The following IL1RAPL2 variants were observed in gnomAD, a reference collection of about 807,000 sequenced individuals.
IL1RAPL2 encodes the protein interleukin 1 receptor accessory protein like 2.
IL1RAPL2 carries 3 observed loss-of-function variants against 44.1 expected under a neutral mutation model. The observed-to-expected ratio is 0.07, with a 90% confidence interval of 0.03 to 0.18. The LOEUF (loss-of-function observed/expected upper bound fraction) is 0.18. Ranked by LOEUF, IL1RAPL2 falls within the 10% of genes least tolerant of loss-of-function variation. IL1RAPL2 has a pLI of 1.00. For missense variants in IL1RAPL2, 391 were observed against 496.4 expected, an observed-to-expected ratio of 0.79 and a Z score of 2.02; for synonymous variants, 181 against 178.8, an observed-to-expected ratio of 1.01 and a Z score of -0.10.
intron 6 of IL1RAPL2, among the ~76,000 whole-genome samples, chrX:105,625,026 A>G (rs954792198): frequency 3.6e-5 from 4 of 112,198 alleles, no homozygotes; most frequent in African/African-American, 1.3e-4. Flanking sequence ...GTGATCCTTC[A>G]CATCCAAATT....
At chrX:105,751,808 C>A (rs370736302) in intron 9 of IL1RAPL2, among the ~76,000 whole-genome samples, 3 of 111,680 alleles carry the variant, frequency 2.7e-5, no homozygotes, top group African/African-American at 9.7e-5. Flanking sequence ...ATTTTAACTG[C>A]CTTTTGGAAA....
intron 6 of IL1RAPL2, among the ~76,000 whole-genome samples, chrX:105,658,600 G>A (rs1214347068): frequency 9.1e-6 from 1 of 109,727 alleles, no homozygotes; most frequent in African/African-American, 3.3e-5. Flanking sequence ...CAAAGCAGGT[G>A]GATCACTTGA....
At chrX:105,342,961 T>C (rs926438409) in intron 5 of IL1RAPL2, among the ~76,000 whole-genome samples, 5 of 111,428 alleles carry the variant, frequency 4.5e-5, no homozygotes, top group Non-Finnish European at 9.4e-5. Context: ...ATATATCATG[T>C]TTTATCTTAA....
intron 2 of IL1RAPL2, among the ~76,000 whole-genome samples, chrX:104,801,835 TA>T (rs1200734584): frequency 9.0e-6 from 1 of 111,685 alleles, no homozygotes; most frequent in Non-Finnish European, 1.9e-5. Flanking sequence ...TATAGGGCAT[TA>T]AAAAATGTAT....
intron 5 of IL1RAPL2, among the ~76,000 whole-genome samples, chrX:105,328,558 G>T (rs952448055): frequency 1.8e-5 from 2 of 111,312 alleles, no homozygotes; most frequent in African/African-American, 6.5e-5. Context: ...ATGCCTTCTT[G>T]GTTTCTATCT....
intron 2 of IL1RAPL2, among the ~76,000 whole-genome samples, chrX:104,968,422 T>C (rs758714628): frequency 2.7e-5 from 3 of 111,955 alleles, no homozygotes; most frequent in African/African-American, 3.2e-5. Flanking sequence ...AATAATCTGT[T>C]GCAATCATCA....
At chrX:105,014,553 G>C (rs1602890289) in intron 2 of IL1RAPL2, among the ~76,000 whole-genome samples, 5 of 111,563 alleles carry the variant, frequency 4.5e-5, no homozygotes, top group Non-Finnish European at 9.4e-5. Flanking sequence ...TTATGAGTGA[G>C]AACATGCAGT....
chrX:105,290,787 G>C (rs1173889701), intron 5 of IL1RAPL2, among the ~76,000 whole-genome samples: 1 of 111,872 alleles, frequency 8.9e-6, no homozygotes, highest in Admixed American at 9.5e-5. Context: ...AATTTGTTTT[G>C]AGTTGAGTGT....
At chrX:105,710,530 G>A (rs2038201001) in intron 6 of IL1RAPL2, among the ~76,000 whole-genome samples, 1 of 109,337 alleles carries the variant, frequency 9.1e-6, no homozygotes, top group African/African-American at 3.3e-5. Context: ...ATTTACCTCT[G>A]TGACTGTTTC....
At chrX:104,921,548 C>A (rs1440527108) in intron 2 of IL1RAPL2, among the ~76,000 whole-genome samples, 1 of 112,363 alleles carries the variant, frequency 8.9e-6, no homozygotes, top group African/African-American at 3.2e-5. Context: ...CCTTGAGGGG[C>A]CAGTGAACAA....
chrX:104,949,523 T>G (rs1365802236), intron 2 of IL1RAPL2, among the ~76,000 whole-genome samples: 1 of 105,709 alleles, frequency 9.5e-6, no homozygotes, highest in Non-Finnish European at 2.0e-5. Context: ...GGTGTCAATT[T>G]TGGATCTTTC....
intron 4 of IL1RAPL2, among the ~76,000 whole-genome samples, chrX:105,259,109 A>T (rs910887181): frequency 1.8e-5 from 2 of 111,456 alleles, no homozygotes; most frequent in African/African-American, 6.5e-5. Flanking sequence ...GTGTTTCTGG[A>T]TGTTTTCACT....
intron 2 of IL1RAPL2, among the ~76,000 whole-genome samples, chrX:104,661,811 T>G (rs1378789751): frequency 8.9e-6 from 1 of 112,020 alleles, no homozygotes; most frequent in Non-Finnish European, 1.9e-5. Flanking sequence ...ATGTTCATCA[T>G]GGAATCACTA....
intron 6 of IL1RAPL2, among the ~76,000 whole-genome samples, chrX:105,535,863 T>C (rs2036673010): frequency 9.0e-6 from 1 of 111,444 alleles, no homozygotes; most frequent in Admixed American, 9.6e-5. Flanking sequence ...GTGGTGGTGG[T>C]TATGCTAATT....
At chrX:104,691,382 A>G (rs767689853) in intron 2 of IL1RAPL2, among the ~76,000 whole-genome samples, 2 of 111,860 alleles carry the variant, frequency 1.8e-5, no homozygotes, top group South Asian at 7.4e-4. Context: ...CTGTCACCTC[A>G]GTTGTGAAAA....
At chrX:104,635,824 A>G (rs1929788878) in intron 1 of IL1RAPL2, among the ~76,000 whole-genome samples, 1 of 111,649 alleles carries the variant, frequency 9.0e-6, no homozygotes, top group Non-Finnish European at 1.9e-5. Flanking sequence ...TGATCGTCTG[A>G]AGCCTTCTTC....
intron 2 of IL1RAPL2, among the ~76,000 whole-genome samples, chrX:104,867,875 T>C (rs1419913993): frequency 8.9e-6 from 1 of 111,911 alleles, no homozygotes; most frequent in Non-Finnish European, 1.9e-5. Context: ...TCCATGGGTA[T>C]AGATGTGAAA....
intron 2 of IL1RAPL2, among the ~76,000 whole-genome samples, chrX:105,073,817 T>C (rs1268812566): frequency 1.8e-5 from 2 of 112,281 alleles, no homozygotes; most frequent in Non-Finnish European, 3.8e-5. Flanking sequence ...TTCATGTGTT[T>C]TTTTGGCTGC....
At chrX:105,158,311 A>C in intron 2 of IL1RAPL2, among the ~76,000 whole-genome samples, 1 of 111,151 alleles carries the variant, frequency 9.0e-6, no homozygotes. Context: ...GTGAGCCGAG[A>C]TCGCGCCACT....
Sources: gnomAD v4.1 joint callset for allele counts (sites outside exome capture counted in the v4.1 genomes callset) on GRCh38, gnomAD v4.1.1 for gene constraint, MANE v1.5 for transcripts, NCBI Gene and HGNC (gene_info 2026-07-23, HGNC 2026-07-21) for gene names.